CALCR: variants seen among roughly 807,000 people sequenced by gnomAD.
CALCR encodes calcitonin receptor.
Under a neutral mutation model 59.5 loss-of-function variants are expected in CALCR, and 47 were observed. The observed-to-expected ratio is 0.79, with a 90% CI of 0.63 to 1.01. The LOEUF (loss-of-function observed/expected upper bound fraction) is 1.01. CALCR is among the 50% of genes least tolerant of loss of function. CALCR has a pLI of 0.00. For synonymous variants in CALCR, 213 were observed against 211.3 expected, an observed-to-expected ratio of 1.01 and a Z score of -0.07; for missense variants, 566 against 597.1, an observed-to-expected ratio of 0.95 and a Z score of 0.54.
Position 93,488,582 on chromosome 7 carries a change from G to GCAAAAAAAAAAAAAA in CALCR, c.-26-1576_-26-1575insTTTTTTTTTTTTTTG, listed in dbSNP as rs770479251. On this transcript the variant is annotated intron_variant, in intron 2 of 13. Transcript: ENST00000426151. ...GGAAAATTTACCAAGCAAATGGAAA[G>GCAAAAAAAAAAAAAA]AAAAAAAAAAAAAAAAAAAGCATGG... Among the ~76,000 whole-genome samples the GCAAAAAAAAAAAAAA allele has an allele frequency of 1.5e-3, 115 of 77,986 alleles. 12 individuals are homozygous for GCAAAAAAAAAAAAAA. Among genetic ancestry groups the GCAAAAAAAAAAAAAA allele is most frequent in the Middle Eastern group, 8.6e-3 (1 of 116 alleles). The allele number at this position is 77,986 out of a possible 152,430, so 51.2% of individuals were successfully genotyped here.
At chr7:93,544,608 T>G (rs897132742) in intron 2 of CALCR, among the ~76,000 whole-genome samples, 2 of 152,168 alleles carry the variant, frequency 1.3e-5, no homozygotes, top group African/African-American at 2.4e-5. Context: ...AGATTTTAGT[T>G]TTTCACTGTG....
chr7:93,463,430 A>C lies in CALCR; in HGVS notation c.522-2483T>G, dbSNP rs563939279. 2.2e-3 allele frequency among the ~76,000 whole-genome samples: 337 copies of C among 152,036 alleles called. 5 individuals carry two copies. The highest frequency in any genetic ancestry group is 8.0e-3 in the African/African-American group (334 of 41,552). On this transcript the variant is annotated intron_variant, in intron 7 of 13. Coordinates refer to ENST00000426151, the MANE Select transcript of CALCR (RefSeq NM_001742.4). ...TCTGTTTTTTGAAAGTTTTAATATA[A>C]TTTTTGCTCATTGAGTTTTAAAATT...
chr7:93,443,494 T>C (rs1269100569), intron 9 of CALCR, 110 bp downstream of exon 9: 10 of 1,024,702 alleles, frequency 9.8e-6, no homozygotes, highest in Non-Finnish European at 1.4e-5. Context: ...CATCATTCCT[T>C]GAAGGACCTG....
chr7:93,483,223 C>T (rs981039608), intron 3 of CALCR, among the ~76,000 whole-genome samples: 1 of 151,514 alleles, frequency 6.6e-6, no homozygotes, highest in African/African-American at 2.4e-5. Context: ...TTTAAATCAT[C>T]CCCAGATTAT....
chr7:93,556,011 A>G (rs1789596153), intron 2 of CALCR, among the ~76,000 whole-genome samples: 1 of 152,210 alleles, frequency 6.6e-6, no homozygotes, highest in Non-Finnish European at 1.5e-5. Context: ...TTCACACTGT[A>G]GGGCTTCCCT....
chr7:93,470,372 G>C (rs1800526630), intron 6 of CALCR, among the ~76,000 whole-genome samples: 1 of 151,510 alleles, frequency 6.6e-6, no homozygotes, highest in Admixed American at 6.6e-5. Flanking sequence ...TTTTCTAAAA[G>C]TTCTTCCTTC....
rs779958728 is a variant in CALCR, at chr7:93,438,060, C to T, written c.930G>A (p.Val310=). The change falls in exon 11 of 14, where the codon GTG becomes GTA. Residue 310 remains valine, a splice_region_variant and synonymous_variant. Coordinates refer to ENST00000426151, the MANE Select transcript of CALCR (RefSeq NM_001742.4). The part of the protein sequence containing the change: ...IIHGPVMAAL[V]VNFFFLLNIV... ...ATTGCAATAAAAAACTAATTCTCAC[C>T]ACAAGTGCCGCCATGACAGGTCCAT... 74 of 1,613,010 alleles carry T rather than the reference C, an allele frequency of 4.6e-5. No individual in the cohort carries two copies. The East Asian group carries it at 1.6e-3, about 35-fold the overall frequency.
intron 7 of CALCR, chr7:93,462,203 A>G: frequency 1.6e-6 from 1 of 618,244 alleles, no homozygotes; most frequent in South Asian, 2.0e-5. Context: ...GGAAGCGATT[A>G]TAGTAACTCA....
chr7:93,541,169 C>T (rs934284744), intron 2 of CALCR, among the ~76,000 whole-genome samples: 2 of 152,096 alleles, frequency 1.3e-5, no homozygotes, highest in Admixed American at 6.6e-5. Flanking sequence ...AAATGAAACA[C>T]TAAACTTATT....
chr7:93,558,471 A>G (rs771772871), intron 2 of CALCR, among the ~76,000 whole-genome samples: 3 of 152,128 alleles, frequency 2.0e-5, no homozygotes, highest in Non-Finnish European at 2.9e-5. Flanking sequence ...GAAGAATGCC[A>G]TTTGAAGTAA....
chr7:93,490,434 G>T (rs1423936955), intron 2 of CALCR, among the ~76,000 whole-genome samples: 1 of 151,486 alleles, frequency 6.6e-6, no homozygotes, highest in Non-Finnish European at 1.5e-5. Flanking sequence ...ATAAATGAAG[G>T]GTATTCAAAT....
At chr7:93,569,935 G>GACAT (rs1789962747) in intron 2 of CALCR, among the ~76,000 whole-genome samples, 1 of 144,018 alleles carries the variant, frequency 6.9e-6, no homozygotes, top group Non-Finnish European at 1.5e-5. Context: ...GATGTAAAGG[G>GACAT]ACACACACAC....
rs1042379269 is a variant in CALCR, at chr7:93,550,297, C to T, written c.-27+23992G>A. On this transcript the variant is annotated intron_variant, in intron 2 of 13. Transcript: ENST00000426151. ...CTGAGGTCAGGAGTTCGAGAGCAGC[C>T]TGGCCAACATGGTGAAATCCCGTCT... Among the ~76,000 whole-genome samples, 9 of 151,786 alleles carry T rather than the reference C, an allele frequency of 5.9e-5. No homozygotes were observed. The East Asian group carries it at 1.2e-3, about 20-fold the overall frequency.
intron 5 of CALCR, among the ~76,000 whole-genome samples, chr7:93,473,203 TA>T (rs1738925897): frequency 1.3e-5 from 2 of 151,784 alleles, no homozygotes; most frequent in Admixed American, 1.3e-4. Flanking sequence ...ATTGGCATAT[TA>T]AAGATCTCCA....
chr7:93,513,762 A>G lies in CALCR; in HGVS notation c.-26-26755T>C, dbSNP rs186170309. ...AGGTCCATAAAACAGTTGACATGCA[A>G]TAAGTATTTAATATGTAGATATTTG... On this transcript the variant is annotated intron_variant, in intron 2 of 13. Coordinates refer to ENST00000426151, the MANE Select transcript of CALCR (RefSeq NM_001742.4). 4.8e-3 allele frequency among the ~76,000 whole-genome samples: 723 copies of G among 152,002 alleles called. 6 individuals are homozygous for G. The highest frequency in any genetic ancestry group is 0.017 in the African/African-American group (692 of 41,530).
At chr7:93,487,217 G>A (rs1358669827) in intron 2 of CALCR, among the ~76,000 whole-genome samples, 2 of 151,094 alleles carry the variant, frequency 1.3e-5, no homozygotes. Context: ...TTATACCTGA[G>A]GCCCTCCTAT....
At chr7:93,539,872 T>A (rs1418352887) in intron 2 of CALCR, among the ~76,000 whole-genome samples, 1 of 152,122 alleles carries the variant, frequency 6.6e-6, no homozygotes, top group African/African-American at 2.4e-5. Context: ...AGAACCCACA[T>A]CAAAGTAGGG....
At chr7:93,435,527 T>C (rs1472247399) in intron 12 of CALCR, among the ~76,000 whole-genome samples, 2 of 152,128 alleles carry the variant, frequency 1.3e-5, no homozygotes, top group Non-Finnish European at 2.9e-5. Context: ...TTGAAGATCA[T>C]GGGCTTGTCA....
intron 6 of CALCR, among the ~76,000 whole-genome samples, chr7:93,469,374 T>A (rs1800507009): frequency 6.6e-6 from 1 of 151,566 alleles, no homozygotes; most frequent in African/African-American, 2.4e-5. Flanking sequence ...TCTCCCATAA[T>A]GTTATGTTGA....
Sources: gnomAD v4.1 joint callset for allele counts (sites outside exome capture counted in the v4.1 genomes callset) on GRCh38, gnomAD v4.1.1 for gene constraint, MANE v1.5 for transcripts, NCBI Gene and HGNC (gene_info 2026-07-23, HGNC 2026-07-21) for gene names.